The following BRINP3 variants were observed in gnomAD, a reference collection of about 807,000 sequenced individuals.
The protein encoded by BRINP3 is BMP/retinoic acid inducible neural specific 3, also known as BMP/retinoic acid-inducible neural-specific protein 3.
A neutral mutation model predicts 71.0 loss-of-function variants in BRINP3; 19 were observed. That is an observed-to-expected ratio of 0.27 (90% CI 0.19 to 0.39). BRINP3 has a LOEUF of 0.39. BRINP3 is among the 10% of genes least tolerant of loss of function. BRINP3 has a pLI of 1.00. For missense variants in BRINP3, 959 were observed against 940.8 expected (o/e 1.02, Z -0.25); for synonymous variants, 380 against 337.7 (o/e 1.13, Z -1.37).
chr1:190,475,735 T>G (rs548466080), intron 1 of BRINP3: 3 of 152,214 alleles, frequency 2.0e-5, no homozygotes, highest in Non-Finnish European at 4.4e-5. Context: ...AAATTTCCCT[T>G]TCACACGCTT....
intron 2 of BRINP3, among the ~76,000 whole-genome samples, chr1:190,294,332 C>T (rs1287381441): frequency 6.6e-6 from 1 of 151,038 alleles, no homozygotes; most frequent in Non-Finnish European, 1.5e-5. Flanking sequence ...AATCATGGCT[C>T]ACTGCAGACT....
intron 1 of BRINP3, among the ~76,000 whole-genome samples, chr1:190,459,046 T>G (rs2102650340): frequency 6.6e-6 from 1 of 151,762 alleles, no homozygotes; most frequent in Non-Finnish European, 1.5e-5. Flanking sequence ...TATTTATGGT[T>G]TTTTTCATAA....
chr1:190,246,376 C>T (rs538684517), intron 4 of BRINP3, among the ~76,000 whole-genome samples: 1 of 144,552 alleles, frequency 6.9e-6, no homozygotes, highest in Non-Finnish European at 1.5e-5. Context: ...TGCAGCCAAT[C>T]CACTAACAAT....
intron 2 of BRINP3, among the ~76,000 whole-genome samples, chr1:190,424,589 A>T (rs772940938): frequency 1.4e-4 from 21 of 151,740 alleles, no homozygotes; most frequent in Non-Finnish European, 4.4e-5. Flanking sequence ...GAAATGTCTT[A>T]TAGAAATTTG....
intron 7 of BRINP3, among the ~76,000 whole-genome samples, chr1:190,115,850 T>C (rs1360145976): frequency 6.6e-6 from 1 of 152,154 alleles, no homozygotes; most frequent in Non-Finnish European, 1.5e-5. Context: ...AGGTTCTACC[T>C]ATCTTTCTAT....
At chr1:190,408,014 T>G (rs888017408) in intron 2 of BRINP3, among the ~76,000 whole-genome samples, 1 of 103,268 alleles carries the variant, frequency 9.7e-6, no homozygotes, top group Non-Finnish European at 2.0e-5. Context: ...CTTTTCTACA[T>G]TTGTCTTTTT....
chr1:190,467,493 G>C (rs1254342359), intron 1 of BRINP3, among the ~76,000 whole-genome samples: 1 of 151,382 alleles, frequency 6.6e-6, no homozygotes, highest in Admixed American at 6.6e-5. Context: ...TCAGAACTCT[G>C]GGTGTTTCTA....
At chr1:190,109,366 T>C (rs1652471439) in intron 7 of BRINP3, among the ~76,000 whole-genome samples, 1 of 152,228 alleles carries the variant, frequency 6.6e-6, no homozygotes, top group African/African-American at 2.4e-5. Flanking sequence ...ATTCTGGACA[T>C]AGTTTACCAG....
Position 190,327,326 on chromosome 1 carries a change from C to CAAAAAAAAAAAAAAAA in BRINP3, c.237-45592_237-45577dup, listed in dbSNP as rs1227478693. 2.9e-3 allele frequency among the ~76,000 whole-genome samples: 128 copies of CAAAAAAAAAAAAAAAA among 44,192 alleles called. 1 individual carries two copies. The highest frequency in any genetic ancestry group is 4.1e-3 in the Admixed American group (13 of 3,200). 29.0% of individuals were successfully genotyped at this position (44,192 alleles called of 152,430 possible). A position where few individuals can be genotyped will look rare whatever the true frequency, so the allele number is the denominator to read the frequency against. ...CGAGGCTCCATCTCAAAAAAAAGAA[C>CAAAAAAAAAAAAAAAA]AAAAAAAAAAAAAAAAAAAAAAAAG... On this transcript the variant is annotated intron_variant, in intron 2 of 7. Transcript: ENST00000367462.
At chr1:190,412,194 T>C (rs1325586603) in intron 2 of BRINP3, among the ~76,000 whole-genome samples, 1 of 151,304 alleles carries the variant, frequency 6.6e-6, no homozygotes, top group Non-Finnish European at 1.5e-5. Context: ...GGTTAATAAG[T>C]ATTGGGGAAG....
chr1:190,224,535 A>T (rs1193408771), intron 6 of BRINP3, among the ~76,000 whole-genome samples: 2 of 151,980 alleles, frequency 1.3e-5, no homozygotes, highest in Non-Finnish European at 2.9e-5. Context: ...ACTAAAAACG[A>T]AATTATTTAG....
At chr1:190,291,917 T>C (rs1663898299) in intron 2 of BRINP3, among the ~76,000 whole-genome samples, 1 of 152,126 alleles carries the variant, frequency 6.6e-6, no homozygotes, top group Non-Finnish European at 1.5e-5. Context: ...AAAGAATGGA[T>C]TTTAAAAGGT....
At chr1:190,436,694 A>T (rs1006974198) in intron 2 of BRINP3, among the ~76,000 whole-genome samples, 9 of 151,978 alleles carry the variant, frequency 5.9e-5, no homozygotes, top group African/African-American at 2.2e-4. Flanking sequence ...AATGTAGGAA[A>T]TATGCCTGGT....
chr1:190,399,441 G>A (rs1671787066), intron 2 of BRINP3, among the ~76,000 whole-genome samples: 1 of 151,888 alleles, frequency 6.6e-6, no homozygotes, highest in South Asian at 2.1e-4. Context: ...AAAAATGAAA[G>A]TGACACTTCG....
At chr1:190,201,404 G>A (rs574455118) in intron 6 of BRINP3, among the ~76,000 whole-genome samples, 14 of 151,990 alleles carry the variant, frequency 9.2e-5, no homozygotes, top group African/African-American at 3.4e-4. Flanking sequence ...GGAAAGGAGA[G>A]CATAAAAATT....
chr1:190,439,742 G>C (rs1674694399), intron 2 of BRINP3, among the ~76,000 whole-genome samples: 2 of 151,870 alleles, frequency 1.3e-5, no homozygotes, highest in South Asian at 4.1e-4. Flanking sequence ...AATAGAAGTA[G>C]AAAATTTGAG....
intron 2 of BRINP3, among the ~76,000 whole-genome samples, chr1:190,448,947 T>C (rs1358204436): frequency 6.6e-6 from 1 of 151,936 alleles, no homozygotes; most frequent in African/African-American, 2.4e-5. Context: ...TTAATTTTTC[T>C]GGTTGAAAAT....
chr1:190,293,738 G>A (rs1226738721), intron 2 of BRINP3, among the ~76,000 whole-genome samples: 1 of 152,072 alleles, frequency 6.6e-6, no homozygotes, highest in East Asian at 1.9e-4. Flanking sequence ...ATTATATCCT[G>A]TTACTGAATT....
At chr1:190,193,948 T>C (rs1450846778) in intron 6 of BRINP3, among the ~76,000 whole-genome samples, 1 of 152,034 alleles carries the variant, frequency 6.6e-6, no homozygotes, top group Non-Finnish European at 1.5e-5. Flanking sequence ...CCCTAAATTA[T>C]CCTCCGGTAT....
Sources: gnomAD v4.1 joint callset for allele counts (sites outside exome capture counted in the v4.1 genomes callset) on GRCh38, gnomAD v4.1.1 for gene constraint, MANE v1.5 for transcripts, NCBI Gene and HGNC (gene_info 2026-07-23, HGNC 2026-07-21) for gene names.